The following TUSC3 variants were observed in gnomAD, a reference collection of about 807,000 sequenced individuals.
TUSC3 encodes dolichyl-diphosphooligosaccharide--protein glycosyltransferase subunit TUSC3.
In TUSC3, 45 loss-of-function variants were observed where a neutral mutation model predicts 44.8. The observed-to-expected ratio is 1.00, with a 90% CI of 0.79 to 1.29. TUSC3 has a LOEUF of 1.29. TUSC3 is among the 50% of genes most tolerant of loss of function. The pLI is 0.00. For missense variants in TUSC3, 519 were observed against 437.9 expected (o/e 1.19, Z -1.65); for synonymous variants, 212 against 152.9 (o/e 1.39, Z -2.85).
chr8:15,562,192 G>T (rs76887419), intron 1 of TUSC3, among the ~76,000 whole-genome samples: 2,394 of 152,190 alleles, frequency 0.016, 80 homozygotes, highest in African/African-American at 0.054. Flanking sequence ...CAATTACTGC[G>T]TGAGGTTGAG....
chr8:15,481,669 T>C (rs1800663034), intron 1 of TUSC3, among the ~76,000 whole-genome samples: 1 of 152,224 alleles, frequency 6.6e-6, no homozygotes, highest in South Asian at 2.1e-4. Flanking sequence ...TACTTTAGTC[T>C]GTTAAGTGTG....
chr8:15,655,330 C>G (rs1585198129), intron 3 of TUSC3, among the ~76,000 whole-genome samples: 1 of 152,082 alleles, frequency 6.6e-6, no homozygotes, highest in Non-Finnish European at 1.5e-5. Flanking sequence ...TGACCTTCCT[C>G]GCGGAACACT....
chr8:15,688,149 A>G (rs1465347669), intron 6 of TUSC3, among the ~76,000 whole-genome samples: 3 of 152,180 alleles, frequency 2.0e-5, no homozygotes, highest in African/African-American at 4.8e-5. Context: ...TGGTCTTAAA[A>G]AAACCAAAGA....
intron 6 of TUSC3, among the ~76,000 whole-genome samples, chr8:15,718,883 A>C (rs1810177583): frequency 6.6e-6 from 1 of 152,116 alleles, no homozygotes; most frequent in South Asian, 2.1e-4. Flanking sequence ...TTTTGTATAA[A>C]AACACACAGT....
intron 6 of TUSC3, among the ~76,000 whole-genome samples, chr8:15,702,583 C>T (rs1809450656): frequency 6.6e-6 from 1 of 151,990 alleles, no homozygotes; most frequent in Non-Finnish European, 1.5e-5. Context: ...AGTCATCATG[C>T]CACAGATTGG....
intron 2 of TUSC3, among the ~76,000 whole-genome samples, chr8:15,496,905 AATTT>A (rs10538412): frequency 0.24 from 35,711 of 151,926 alleles, 4,717 homozygotes; most frequent in Non-Finnish European, 0.31. Flanking sequence ...TAAAAAGATG[AATTT>A]ATTCATTCAT....
intron 2 of TUSC3, among the ~76,000 whole-genome samples, chr8:15,499,028 G>A (rs1467736615): frequency 6.6e-6 from 1 of 150,618 alleles, no homozygotes; most frequent in Non-Finnish European, 1.5e-5. Flanking sequence ...TTTTTCTCCT[G>A]TGGGTTCCAA....
chr8:15,670,059 A>T (rs1434127389), intron 5 of TUSC3, among the ~76,000 whole-genome samples: 1 of 151,942 alleles, frequency 6.6e-6, no homozygotes, highest in Non-Finnish European at 1.5e-5. Context: ...AATCAATCTA[A>T]TAAAAGATAT....
chr8:15,559,182 C>G (rs1184742023), intron 1 of TUSC3, among the ~76,000 whole-genome samples: 1 of 142,276 alleles, frequency 7.0e-6, no homozygotes, highest in Non-Finnish European at 1.6e-5. Context: ...GAATGCGTCC[C>G]AGAGATTCTG....
intron 1 of TUSC3, among the ~76,000 whole-genome samples, chr8:15,442,900 A>G (rs1800039216): frequency 6.6e-6 from 1 of 152,056 alleles, no homozygotes; most frequent in Non-Finnish European, 1.5e-5. Flanking sequence ...TATCTGATCA[A>G]GTTTCTCTCC....
chr8:15,781,063 C>T, the TUSC3 span, among the ~76,000 whole-genome samples: 4 of 152,138 alleles, frequency 2.6e-5, no homozygotes, highest in Non-Finnish European at 4.4e-5. Flanking sequence ...CAGAAGCCCT[C>T]CAGCAGCCTG....
intron 1 of TUSC3, among the ~76,000 whole-genome samples, chr8:15,429,128 T>A (rs1169751711): frequency 6.6e-6 from 1 of 152,160 alleles, no homozygotes. Flanking sequence ...CTTTAATCCA[T>A]GTTGAATTAA....
intron 7 of TUSC3, among the ~76,000 whole-genome samples, chr8:15,734,077 C>T (rs1810833847): frequency 6.6e-6 from 1 of 152,188 alleles, no homozygotes; most frequent in African/African-American, 2.4e-5. Flanking sequence ...ATTTCTGATT[C>T]TAGTTTCATT....
chr8:15,598,716 C>T (rs539263183), intron 1 of TUSC3, among the ~76,000 whole-genome samples: 6 of 151,914 alleles, frequency 3.9e-5, no homozygotes, highest in South Asian at 4.1e-4. Context: ...TCAGATTGGC[C>T]TCTTTCACTT....
At chr8:15,722,906 A>G (rs1215404018) in intron 6 of TUSC3, among the ~76,000 whole-genome samples, 1 of 152,056 alleles carries the variant, frequency 6.6e-6, no homozygotes, top group East Asian at 1.9e-4. Context: ...ACAATATTAC[A>G]CATTGCTCCT....
At chr8:15,446,450 G>C (rs910611968) in intron 1 of TUSC3, among the ~76,000 whole-genome samples, 5 of 152,124 alleles carry the variant, frequency 3.3e-5, no homozygotes, top group African/African-American at 1.2e-4. Flanking sequence ...TGAGCACTGA[G>C]TGAGCGAGAC....
intron 9 of TUSC3, among the ~76,000 whole-genome samples, chr8:15,752,635 G>A (rs1222311531): frequency 2.0e-5 from 3 of 152,042 alleles, no homozygotes; most frequent in South Asian, 2.1e-4. Context: ...GACCAAGAGA[G>A]TATCTTTATT....
rs551013242 is a variant in TUSC3, at chr8:15,496,960, T to A, written n.189+13477T>A. Among the ~76,000 whole-genome samples, 3 of 152,250 alleles carry A rather than the reference T, an allele frequency of 2.0e-5. No homozygotes were observed. In the South Asian group the frequency reaches 6.2e-4, roughly 32 times the overall value. Reference sequence around the variant, plus strand: ...AACTTACTACCTGCCAGAACCTGTTTTAGATATTAGGAATACATCAGTGAA... The same window carrying A: ...AACTTACTACCTGCCAGAACCTGTTATAGATATTAGGAATACATCAGTGAA... On this transcript the variant is annotated intron_variant and non_coding_transcript_variant, in intron 2 of 5. Coordinates refer to the TUSC3 transcript ENST00000503191.
intron 1 of TUSC3, among the ~76,000 whole-genome samples, chr8:15,550,571 C>T (rs1253641681): frequency 6.6e-6 from 1 of 151,610 alleles, no homozygotes; most frequent in Non-Finnish European, 1.5e-5. Flanking sequence ...ACCCTCCTAC[C>T]CTGCCCCCAT....
Sources: allele counts gnomAD v4.1 joint callset (sites outside exome capture counted in the v4.1 genomes callset), GRCh38; gene constraint gnomAD v4.1.1; transcripts MANE v1.5; gene names NCBI Gene and HGNC (gene_info 2026-07-23, HGNC 2026-07-21).